Variants in TTC27 observed in about 807,000 individuals in gnomAD.
TTC27 encodes the protein tetratricopeptide repeat protein 27.
Under a neutral mutation model 115.9 loss-of-function variants are expected in TTC27, and 79 were observed. The ratio of observed to expected loss-of-function variants is 0.68; its 90% CI spans 0.57 to 0.82. The LOEUF (loss-of-function observed/expected upper bound fraction) is 0.82. Among genes scored for constraint, TTC27 ranks in the 40% least tolerant of loss-of-function variants. TTC27 has a pLI of 0.00. For missense variants in TTC27, 1,054 were observed against 993.1 expected, an observed-to-expected ratio of 1.06 and a Z score of -0.82; for synonymous variants, 401 against 356.0, an observed-to-expected ratio of 1.13 and a Z score of -1.42.
rs546568479 is a variant in TTC27 at position 32,668,077 on chromosome 2, G to A, written c.939+1309G>A. 2.2e-3 allele frequency among the ~76,000 whole-genome samples: 329 copies of A among 152,032 alleles called. 1 individual carries two copies. Among genetic ancestry groups the A allele is most frequent in the African/African-American group, 7.5e-3 (310 of 41,514 alleles). Reference sequence around the variant, plus strand: ...GTGGTGGCGGGTGCCTGTAGTCCCAGCTACTCAGGAGGCTGAGGCAGGAGA... The same window carrying A: ...GTGGTGGCGGGTGCCTGTAGTCCCAACTACTCAGGAGGCTGAGGCAGGAGA... On this transcript the variant is annotated intron_variant, in intron 7 of 19. Coordinates refer to ENST00000317907, the MANE Select transcript of TTC27 (RefSeq NM_017735.5).
intron 5 of TTC27, among the ~76,000 whole-genome samples, chr2:32,662,806 T>G (rs115979187): frequency 2.3e-3 from 345 of 152,356 alleles, no homozygotes; most frequent in African/African-American, 7.9e-3. Flanking sequence ...AGATATTTCT[T>G]GCCTTCTGCT....
chr2:32,721,915 G>A (rs1418974012), intron 10 of TTC27, among the ~76,000 whole-genome samples: 1 of 152,190 alleles, frequency 6.6e-6, no homozygotes, highest in African/African-American at 2.4e-5. Context: ...ACCGTGCCTA[G>A]CAGTGCTTCA....
At chr2:32,643,856 G>A (rs1249070708) in intron 4 of TTC27, among the ~76,000 whole-genome samples, 2 of 151,814 alleles carry the variant, frequency 1.3e-5, no homozygotes, top group Admixed American at 1.3e-4. Flanking sequence ...CCAACATGGC[G>A]ACACCCTGTC....
intron 10 of TTC27, among the ~76,000 whole-genome samples, chr2:32,730,235 A>T (rs1417373999): frequency 6.6e-6 from 1 of 152,236 alleles, no homozygotes; most frequent in Non-Finnish European, 1.5e-5. Flanking sequence ...TGCTTGAAGT[A>T]AAACAAAATA....
chr2:32,746,423 C>T (rs1428225952), intron 12 of TTC27, among the ~76,000 whole-genome samples: 1 of 151,644 alleles, frequency 6.6e-6, no homozygotes, highest in Non-Finnish European at 1.5e-5. Flanking sequence ...ATTAGCCGGG[C>T]GTGGCAGCAC....
chr2:32,787,256 AT>A, intron 16 of TTC27, 107 bp downstream of exon 16: 1 of 1,227,828 alleles, frequency 8.1e-7, no homozygotes, highest in Non-Finnish European at 1.1e-6. Flanking sequence ...TGTTAAACAC[AT>A]GTAACATATG....
rs1021947161 is a variant in TTC27 at position 32,694,387 on chromosome 2, A to G, written c.1120-8420A>G. On this transcript the variant is annotated intron_variant, in intron 9 of 19. Coordinates refer to ENST00000317907, the MANE Select transcript of TTC27 (RefSeq NM_017735.5). ...TCTGAAATTTGGGAGCGTGGTATAT[A>G]TGCATACTGGATGCTTCATGCAAAA... is the stretch of plus-strand genomic sequence containing the variant. Among the ~76,000 whole-genome samples the G allele has an allele frequency of 1.1e-4, 17 of 152,256 alleles. 1 individual carries two copies. The South Asian group carries it at 3.1e-3, about 28-fold the overall frequency.
At chr2:32,786,616 C>T (rs552848222) in intron 15 of TTC27, among the ~76,000 whole-genome samples, 1 of 152,262 alleles carries the variant, frequency 6.6e-6, no homozygotes, top group Admixed American at 6.5e-5. Context: ...ACTGTCTGCA[C>T]CTTTTGTCTT....
chr2:32,666,606 C>T, intron 6 of TTC27, 29 bp from the exon 7 acceptor site: 2 of 1,611,136 alleles, frequency 1.2e-6, no homozygotes, highest in South Asian at 1.1e-5. Context: ...ATGGGTAAGT[C>T]AGTAGATATA....
chr2:32,806,638 C>G (rs914107013), intron 16 of TTC27, among the ~76,000 whole-genome samples: 1 of 151,980 alleles, frequency 6.6e-6, no homozygotes, highest in African/African-American at 2.4e-5. Flanking sequence ...AAAAATTAGC[C>G]GGGCATGGTG....
At chr2:32,681,113 G>A (rs1038341786) in intron 9 of TTC27, among the ~76,000 whole-genome samples, 37 of 152,076 alleles carry the variant, frequency 2.4e-4, no homozygotes, top group African/African-American at 7.5e-4. Flanking sequence ...CCTGAAGACC[G>A]ACCTCTTTTT....
intron 16 of TTC27, among the ~76,000 whole-genome samples, chr2:32,791,300 C>G (rs77563585): frequency 0.025 from 3,819 of 151,716 alleles, 161 homozygotes; most frequent in African/African-American, 0.088. Flanking sequence ...TTTTGTTTTT[C>G]TGGATACCTT....
chr2:32,814,686 T>A (rs998376114), intron 18 of TTC27, among the ~76,000 whole-genome samples: 2 of 152,226 alleles, frequency 1.3e-5, no homozygotes, highest in Non-Finnish European at 2.9e-5. Context: ...AATGTTTAGA[T>A]AGACAAATAC....
intron 2 of TTC27, 107 bp downstream of exon 2, chr2:32,630,807 T>TC (rs1664158734): frequency 9.6e-7 from 1 of 1,042,276 alleles, no homozygotes; most frequent in Non-Finnish European, 1.4e-6. Flanking sequence ...TTGCCTTATA[T>TC]TTTACTCAAG....
intron 12 of TTC27, among the ~76,000 whole-genome samples, chr2:32,742,387 A>G (rs1442350775): frequency 6.6e-6 from 1 of 152,194 alleles, no homozygotes; most frequent in African/African-American, 2.4e-5. Context: ...GTTTTTAATT[A>G]CTCTGTTTCA....
chr2:32,800,624 G>T (rs1002049125), intron 16 of TTC27, among the ~76,000 whole-genome samples: 2 of 151,868 alleles, frequency 1.3e-5, no homozygotes, highest in Admixed American at 1.3e-4. Context: ...CAGCCTCCCA[G>T]GTAGCCAGGA....
At chr2:32,798,003 A>C (rs1251935961) in intron 16 of TTC27, among the ~76,000 whole-genome samples, 2 of 152,156 alleles carry the variant, frequency 1.3e-5, no homozygotes, top group African/African-American at 4.8e-5. Flanking sequence ...ATGAACAATA[A>C]GCACATGAAA....
chr2:32,695,377 A>C lies in TTC27; in HGVS notation c.1120-7430A>C, dbSNP rs2151897003. Among the ~76,000 whole-genome samples the C allele has an allele frequency of 1.3e-5, 2 of 152,190 alleles. 1 individual carries two copies. The highest frequency in any genetic ancestry group is 4.2e-4 in the South Asian group (2 of 4,816). The stretch of plus-strand genomic sequence containing the variant: ...GGCGGGTGGATCACCTGAGGTCAGG[A>C]GTTCAAAACCAGCCTGGCCAACATG... On this transcript the variant is annotated intron_variant, in intron 9 of 19. Coordinates refer to ENST00000317907, the MANE Select transcript of TTC27 (RefSeq NM_017735.5).
At chr2:32,776,831 A>G (rs1670010947) in intron 13 of TTC27, among the ~76,000 whole-genome samples, 1 of 152,100 alleles carries the variant, frequency 6.6e-6, no homozygotes, top group Non-Finnish European at 1.5e-5. Flanking sequence ...GCTGGTTTTG[A>G]ACTCCTGACC....
Sources: allele counts gnomAD v4.1 joint callset (sites outside exome capture counted in the v4.1 genomes callset), GRCh38; gene constraint gnomAD v4.1.1; transcripts MANE v1.5; gene names NCBI Gene and HGNC (gene_info 2026-07-23, HGNC 2026-07-21).